PXDN: variants seen among roughly 807,000 people sequenced by gnomAD.
PXDN encodes peroxidasin.
Under a neutral mutation model 140.3 loss-of-function variants are expected in PXDN, and 77 were observed. The observed-to-expected ratio is 0.55, with a 90% CI of 0.46 to 0.66. The LOEUF is 0.66. Ranked by LOEUF, PXDN falls within the 30% of genes least tolerant of loss-of-function variation. The pLI is 0.00. For missense variants in PXDN, 1,838 were observed against 2,039.5 expected (o/e 0.90, Z 1.90); for synonymous variants, 911 against 857.4 (o/e 1.06, Z -1.09).
intron 1 of PXDN, among the ~76,000 whole-genome samples, chr2:1,736,184 C>T (rs1685421703): frequency 6.6e-6 from 1 of 152,200 alleles, no homozygotes; most frequent in Admixed American, 6.5e-5. Context: ...ACCACTAAAA[C>T]TTCCTCCATA....
rs1252644359 is a variant in PXDN at position 1,666,284 on chromosome 2, G to A, written c.1221C>T (p.Ser407=). ...LYIQNVVQGD[S]GEYACSATNN... ...TGGTCGCAGAGCACGCATACTCTCC[G>A]CTGTCCCCCTGTACGACGTTCTGTA... Residue 407 remains serine, a synonymous_variant, in exon 10 of 23, where the codon AGC becomes AGT. Coordinates refer to ENST00000252804, the MANE Select transcript of PXDN (RefSeq NM_012293.3). 5.0e-6 allele frequency: 8 copies of A among 1,614,042 alleles called. No homozygotes were observed. Among genetic ancestry groups the A allele is most frequent in the South Asian group, 2.2e-5 (2 of 91,084 alleles).
chr2:1,637,445 C>T (rs13430471), intron 21 of PXDN, among the ~76,000 whole-genome samples: 4,133 of 42,306 alleles, frequency 0.098, 2 homozygotes, highest in South Asian at 0.16. Flanking sequence ...AGTCTCTAGG[C>T]TGCAGAAGGA....
Position 1,648,292 on chromosome 2 carries a change from C to T in PXDN, c.3488G>A (p.Arg1163Gln), listed in dbSNP as rs1033516235. ...DLAAINIQRG[R>Q]DHGIPPYHDY... ...GTGGTAGGGTGGGATCCCGTGGTCC[C>T]GGCCCCGCTGGATGTTGATGGCCGC... Residue 1163 changes from arginine (R) to glutamine (Q), a missense_variant, in exon 17 of 23, where the codon CGG (arginine) becomes CAG (glutamine). By Grantham distance (43) the Arg-to-Gln change is conservative. Around this residue, in one of 5 missense-constraint regions of PXDN, gnomAD observed 850 missense variants for 894.1 expected, o/e 0.95. Transcript: ENST00000252804. This position sits in a 1 kb window ranked among gnomAD's most constrained non-coding sequence, Gnocchi z 8.9. The T allele has an allele frequency of 2.5e-6, 4 of 1,613,954 alleles. No homozygotes were observed. The highest frequency in any genetic ancestry group is 1.1e-5 in the South Asian group (1 of 91,076).
chr2:1,662,296 ACAGT>A, intron 12 of PXDN, 112 bp from the exon 13 acceptor site: 1 of 921,558 alleles, frequency 1.1e-6, no homozygotes. Context: ...CTGGGAGCTC[ACAGT>A]CAGTTTCAGA....
intron 8 of PXDN, 99 bp from the exon 9 acceptor site, chr2:1,673,911 A>C (rs1430951149): frequency 3.0e-6 from 4 of 1,343,362 alleles, no homozygotes; most frequent in African/African-American, 2.9e-5. Context: ...AGCAGGCACA[A>C]CTTGTGCGAG....
intron 14 of PXDN, among the ~76,000 whole-genome samples, chr2:1,656,809 C>A (rs1403738619): frequency 6.8e-6 from 1 of 147,604 alleles, no homozygotes; most frequent in Non-Finnish European, 1.5e-5. Context: ...CTGAAGCATG[C>A]CCCCTTTGGA....
intron 1 of PXDN, among the ~76,000 whole-genome samples, chr2:1,742,708 C>T (rs1440263929): frequency 6.6e-6 from 1 of 152,154 alleles, no homozygotes. Flanking sequence ...TCTAAAAGTC[C>T]ACTGCTGTTG....
Position 1,634,301 on chromosome 2 carries a change from A to G in PXDN, c.4343T>C (p.Val1448Ala). Residue 1448 changes from valine to alanine, a missense_variant, in exon 23 of 23, where the codon GTG becomes GCG. Transcript: ENST00000252804. ...ACAGGTGGCAGGGGGGCAAGCTTCC[A>G]CGAAGCAGGTGACCTGCCCGTCCTG... ...ECKDGQVTCF[V>A]EACPPATCAV... is the part of the protein sequence containing the mutation. 1 of 1,598,322 alleles carries G rather than the reference A, an allele frequency of 6.3e-7. No homozygotes were observed. The highest frequency in any genetic ancestry group is 2.3e-5 in the East Asian group (1 of 44,252).
At chr2:1,720,718 T>TCACACA (rs779396106) in intron 1 of PXDN, among the ~76,000 whole-genome samples, 3 of 140,190 alleles carry the variant, frequency 2.1e-5, no homozygotes, top group African/African-American at 9.3e-5. Context: ...TCTCTCTCTC[T>TCACACA]CTCTCTCACA....
At position 1,649,302 on chromosome 2, in the gene PXDN, G is replaced by A. The variant is rs771303305; in HGVS notation, c.2478C>T (p.Asp826=). 1 of 1,613,674 alleles carries A rather than the reference G, an allele frequency of 6.2e-7. No individual in the cohort carries two copies. Among genetic ancestry groups the A allele is most frequent in the South Asian group, 1.1e-5 (1 of 91,060 alleles). Residue 826 remains aspartate, a synonymous_variant, in exon 17 of 23, where the codon GAC becomes GAT. Transcript: ENST00000252804. The surrounding 1 kb of genome is among the most constrained non-coding windows in gnomAD (Gnocchi z 7.1). ...HMLMQWGQFL[D]HDLDSTVVAL... ...CCACCACCGTGGAGTCGAGGTCGTG[G>A]TCCAGGAACTGGCCCCACTGCATCA...
At chr2:1,683,774 T>C (rs769053828) in intron 5 of PXDN, 47 bp from the exon 6 acceptor site, 13 of 1,426,572 alleles carry the variant, frequency 9.1e-6, no homozygotes, top group Non-Finnish European at 2.9e-6. Context: ...AAATATTTCT[T>C]AAAATGTGTA....
At chr2:1,637,651 G>C (rs1343682419) in intron 21 of PXDN, among the ~76,000 whole-genome samples, 9 of 136,204 alleles carry the variant, frequency 6.6e-5, no homozygotes, top group African/African-American at 2.4e-4. Context: ...CTGGGGACTT[G>C]CACCTGGTCT....
intron 1 of PXDN, among the ~76,000 whole-genome samples, chr2:1,730,082 G>T (rs1312781996): frequency 6.6e-6 from 1 of 152,120 alleles, no homozygotes; most frequent in Non-Finnish European, 1.5e-5. Flanking sequence ...TACTACACAC[G>T]CCTGAATGCT....
intron 14 of PXDN, among the ~76,000 whole-genome samples, chr2:1,658,288 C>T (rs747156581): frequency 7.9e-5 from 12 of 152,182 alleles, no homozygotes; most frequent in African/African-American, 2.6e-4. Flanking sequence ...CAGCTCACTT[C>T]GTGGCTCTCA....
intron 1 of PXDN, among the ~76,000 whole-genome samples, chr2:1,718,180 G>A (rs182989440): frequency 8.2e-4 from 120 of 147,170 alleles, no homozygotes; most frequent in Admixed American, 1.4e-3. Context: ...AACCTACTAC[G>A]CAAACCTACT....
At chr2:1,698,715 C>T (rs1356417319) in intron 1 of PXDN, among the ~76,000 whole-genome samples, 6 of 152,164 alleles carry the variant, frequency 3.9e-5, no homozygotes, top group Non-Finnish European at 7.3e-5. Flanking sequence ...ATTCACCAGA[C>T]TCTTCCACTT....
At chr2:1,711,386 C>T (rs1479772385) in intron 1 of PXDN, among the ~76,000 whole-genome samples, 2 of 124,902 alleles carry the variant, frequency 1.6e-5, no homozygotes, top group Non-Finnish European at 3.3e-5. Flanking sequence ...ACTCTACCAG[C>T]ACCCGCTCCA....
chr2:1,645,598 G>A (rs986502204), intron 17 of PXDN, among the ~76,000 whole-genome samples: 7 of 152,182 alleles, frequency 4.6e-5, no homozygotes, highest in Non-Finnish European at 5.9e-5. Context: ...TGGTCTTACC[G>A]TAGAATAAAC....
intron 5 of PXDN, 71 bp from the exon 6 acceptor site, chr2:1,683,798 GCAGT>G: frequency 7.3e-6 from 9 of 1,233,266 alleles, no homozygotes; most frequent in Non-Finnish European, 1.0e-5. Flanking sequence ...AAGAATATAA[GCAGT>G]CAAATATATA....
Sources: gnomAD v4.1 joint callset for allele counts (sites outside exome capture counted in the v4.1 genomes callset) on GRCh38, gnomAD v4.1.1 for gene constraint, gnomAD v4.1.1 regional missense constraint, Gnocchi (gnomAD v3.1) non-coding constraint, MANE v1.5 for transcripts, NCBI Gene and HGNC (gene_info 2026-07-23, HGNC 2026-07-21) for gene names.